Variants in PLEKHA6 observed in about 807,000 individuals in gnomAD.
PLEKHA6 encodes pleckstrin homology domain containing A6.
In PLEKHA6, 60 loss-of-function variants were observed where a neutral mutation model predicts 116.7. The ratio of observed to expected loss-of-function variants is 0.51; its 90% CI spans 0.42 to 0.64. PLEKHA6 has a LOEUF of 0.64. Ranked by LOEUF, PLEKHA6 falls within the 30% of genes least tolerant of loss-of-function variation. The probability of loss-of-function intolerance (pLI) is 0.00; values close to 1 mark genes in which losing one functional copy is unlikely to be tolerated. For synonymous variants in PLEKHA6, 489 were observed against 556.1 expected, an observed-to-expected ratio of 0.88 and a Z score of 1.70; for missense variants, 1,338 against 1,422.7, an observed-to-expected ratio of 0.94 and a Z score of 0.96.
chr1:204,306,199 A>T (rs1229080469), intron 1 of PLEKHA6, among the ~76,000 whole-genome samples: 4 of 152,028 alleles, frequency 2.6e-5, no homozygotes, highest in African/African-American at 9.7e-5. Flanking sequence ...TGTCCCATTG[A>T]GTCTGGGCCA....
At chr1:204,311,603 A>G (rs994045523) in intron 1 of PLEKHA6, 2 of 980,466 alleles carry the variant, frequency 2.0e-6, no homozygotes, top group African/African-American at 3.5e-5. Context: ...GCCAAATACA[A>G]TACAGTTTTC....
chr1:204,376,611 G>C (rs777390023), intron 1 of PLEKHA6, among the ~76,000 whole-genome samples: 3 of 152,222 alleles, frequency 2.0e-5, no homozygotes, highest in Non-Finnish European at 4.4e-5. Context: ...TGGTACCTGG[G>C]GAAGCAGTGC....
chr1:204,305,936 A>G (rs1030897221), intron 1 of PLEKHA6, among the ~76,000 whole-genome samples: 2 of 152,118 alleles, frequency 1.3e-5, no homozygotes, highest in African/African-American at 4.8e-5. Flanking sequence ...CATTTCTCCC[A>G]CTATATTCAG....
At chr1:204,365,374 G>A (rs999625007) in intron 3 of PLEKHA6, among the ~76,000 whole-genome samples, 4 of 152,240 alleles carry the variant, frequency 2.6e-5, no homozygotes, top group African/African-American at 4.8e-5. Flanking sequence ...GGAAGTGAGA[G>A]TCCATGTGGG....
chr1:204,362,360 C>T (rs752667707), upstream of PLEKHA6, among the ~76,000 whole-genome samples: 67 of 152,170 alleles, frequency 4.4e-4, no homozygotes, highest in Non-Finnish European at 7.8e-4. Context: ...CCCGTCTCTC[C>T]TCTGCTCTAC....
chr1:204,289,943 C>T (rs556783919), intron 1 of PLEKHA6, among the ~76,000 whole-genome samples: 1 of 152,208 alleles, frequency 6.6e-6, no homozygotes, highest in African/African-American at 2.4e-5. Flanking sequence ...TTTAAAACAC[C>T]ATTTATAATA....
chr1:204,335,871 C>A (rs960755161), intron 1 of PLEKHA6, among the ~76,000 whole-genome samples: 1 of 152,164 alleles, frequency 6.6e-6, no homozygotes, highest in Non-Finnish European at 1.5e-5. Context: ...TCTGCCACAG[C>A]CCCTGTCACC....
rs1667836417 is a variant in PLEKHA6, at chr1:204,274,763, C to T, written c.-48G>A. The T allele has an allele frequency of 2.0e-6, 2 of 985,798 alleles. No homozygotes were observed. The highest frequency in any genetic ancestry group is 1.7e-5 in the African/African-American group (1 of 57,226). The allele number at this position is 985,798 out of a possible 1,614,324, so 61.1% of individuals were successfully genotyped here. On this transcript the variant is annotated 5_prime_UTR_variant, in exon 2 of 23. Transcript: ENST00000272203. ...TCAAATTTTTTGTTTTCCTCTGGGA[C>T]CTGGCCAGTCACTGGGTGTAGAAAT... is the stretch of plus-strand genomic sequence containing the variant.
chr1:204,226,404 C>T (rs1392381207), intron 21 of PLEKHA6, among the ~76,000 whole-genome samples: 2 of 152,066 alleles, frequency 1.3e-5, no homozygotes, highest in African/African-American at 4.8e-5. Flanking sequence ...TAGTAGAGAG[C>T]GCCAGGGGCT....
intron 1 of PLEKHA6, 73 bp from the exon 2 acceptor site, chr1:204,274,882 C>CCCTG: frequency 1.0e-6 from 1 of 984,656 alleles, no homozygotes; most frequent in Non-Finnish European, 1.2e-6. Context: ...CGTGGACAGA[C>CCCTG]CCTGGGTGGT....
chr1:204,289,481 T>A (rs868534687), intron 1 of PLEKHA6, among the ~76,000 whole-genome samples: 2 of 152,206 alleles, frequency 1.3e-5, no homozygotes, highest in African/African-American at 4.8e-5. Flanking sequence ...AGGACCCTGC[T>A]TTAAACCTGC....
rs558838582 is a variant in PLEKHA6 at position 204,316,130 on chromosome 1, C to T, written c.-94-41321G>A. Among the ~76,000 whole-genome samples, 4 of 152,318 alleles carry T rather than the reference C, an allele frequency of 2.6e-5. No individual in the cohort carries two copies. In the South Asian group the frequency reaches 6.2e-4, roughly 24 times the overall value. On this transcript the variant is annotated intron_variant, in intron 1 of 22. Transcript: ENST00000272203. ...GGCTCCCGCTCAATAAATATTTTCT[C>T]GTTGATCAATGGATAAATGATCTTT...
At chr1:204,365,293 TAGAA>T (rs1181980251) in intron 3 of PLEKHA6, among the ~76,000 whole-genome samples, 1 of 152,200 alleles carries the variant, frequency 6.6e-6, no homozygotes, top group African/African-American at 2.4e-5. Flanking sequence ...ATTTGAATTC[TAGAA>T]AGAAAGCACT....
At chr1:204,372,782 T>A (rs1432767123) in intron 1 of PLEKHA6, among the ~76,000 whole-genome samples, 1 of 150,110 alleles carries the variant, frequency 6.7e-6, no homozygotes, top group Non-Finnish European at 1.5e-5. Flanking sequence ...TCCTCACCCC[T>A]CTCCCCAGCA....
At position 204,267,527 on chromosome 1, in the gene PLEKHA6, C is replaced by T. The variant is rs944536005; in HGVS notation, c.228G>A (p.Gln76=). 1.2e-6 allele frequency: 2 copies of T among 1,614,148 alleles called. No individual in the cohort carries two copies. The highest frequency in any genetic ancestry group is 1.7e-5 in the Admixed American group (1 of 60,030). ...CCAGGACGAACCAGCGCTTGTTCCA[C>T]TGCTTAACCCCGGAGCTGGCCTGCG... ...LFKQASSGVK[Q]WNKRWFVLVD... is the part of the protein sequence containing the mutation. The change falls in exon 5 of 23, where the codon CAG becomes CAA. Residue 76 remains glutamine, a synonymous_variant. Transcript: ENST00000272203.
chr1:204,305,689 G>C (rs1446631721), intron 1 of PLEKHA6, among the ~76,000 whole-genome samples: 2 of 152,214 alleles, frequency 1.3e-5, no homozygotes, highest in African/African-American at 4.8e-5. Context: ...ATTATGCACA[G>C]CAGCATCTAC....
intron 1 of PLEKHA6, among the ~76,000 whole-genome samples, chr1:204,315,156 G>A (rs767454347): frequency 2.0e-5 from 3 of 152,148 alleles, no homozygotes; most frequent in East Asian, 3.8e-4. Context: ...GGTGATAAGA[G>A]GACATTTAGG....
In PLEKHA6 at chr1:204,267,521, G is replaced by A; in HGVS notation, c.234C>T (p.Asn78=). The A allele has an allele frequency of 6.2e-7, 1 of 1,614,162 alleles. No homozygotes were observed. The highest frequency in any genetic ancestry group is 1.1e-5 in the South Asian group (1 of 91,076). Reference sequence around the variant, plus strand: ...GATCCACCAGGACGAACCAGCGCTTGTTCCACTGCTTAACCCCGGAGCTGG... The same window carrying A: ...GATCCACCAGGACGAACCAGCGCTTATTCCACTGCTTAACCCCGGAGCTGG... ...KQASSGVKQW[N]KRWFVLVDRC... is the part of the protein sequence containing the mutation. The change falls in exon 5 of 23, where the codon AAC becomes AAT. Residue 78 remains asparagine (N), a synonymous_variant. Transcript: ENST00000272203.
In PLEKHA6 at chr1:204,350,692, T is replaced by G. The variant is rs558658119; in HGVS notation, c.-95+9002A>C. Among the ~76,000 whole-genome samples, 114 of 152,254 alleles carry G rather than the reference T, an allele frequency of 7.5e-4. 1 individual carries two copies. The highest frequency in any genetic ancestry group is 2.7e-3 in the African/African-American group (113 of 41,556). ...CAAAGCTCAAAGAGGTAAAATTGTC[T>G]GGGAGATGGGGGCGGGGGGAGGACC... On this transcript the variant is annotated intron_variant, in intron 1 of 22. Coordinates refer to ENST00000272203, the MANE Select transcript of PLEKHA6 (RefSeq NM_014935.5).
Sources: allele counts gnomAD v4.1 joint callset (sites outside exome capture counted in the v4.1 genomes callset), GRCh38; gene constraint gnomAD v4.1.1; transcripts MANE v1.5; gene names NCBI Gene and HGNC (gene_info 2026-07-23, HGNC 2026-07-21).